Variants in INSR observed in about 807,000 individuals in gnomAD.
INSR encodes IR.
A neutral mutation model predicts 142.6 loss-of-function variants in INSR; 67 were observed. The observed-to-expected ratio is 0.47, with a 90% CI of 0.39 to 0.58. The LOEUF is 0.58. INSR is among the 20% of genes least tolerant of loss of function. The probability of loss-of-function intolerance (pLI) is 0.00; values close to 1 mark genes in which losing one functional copy is unlikely to be tolerated. For missense variants in INSR, 1,248 were observed against 1,833.2 expected, an observed-to-expected ratio of 0.68 and a Z score of 5.83; for synonymous variants, 756 against 743.1, an observed-to-expected ratio of 1.02 and a Z score of -0.28.
At chr19:7,186,048 T>C (rs1022759383) in intron 2 of INSR, among the ~76,000 whole-genome samples, 2 of 151,224 alleles carry the variant, frequency 1.3e-5, no homozygotes, top group African/African-American at 2.4e-5. Context: ...TACAAACAAT[T>C]AGCCGGGTGT....
At chr19:7,181,630 C>T (rs770788112) in intron 3 of INSR, among the ~76,000 whole-genome samples, 11 of 150,008 alleles carry the variant, frequency 7.3e-5, no homozygotes, top group Admixed American at 3.3e-4. Flanking sequence ...CGTGCAATGG[C>T]GTGATCTCAG....
At chr19:7,129,621 G>C (rs559744920) in intron 14 of INSR, among the ~76,000 whole-genome samples, 3 of 152,128 alleles carry the variant, frequency 2.0e-5, no homozygotes, top group Non-Finnish European at 2.9e-5. Flanking sequence ...CAACGTGCCC[G>C]GCCAAATTCT....
rs1224718488 is a variant in INSR, at chr19:7,163,043, T to G, written c.2018A>C (p.Tyr673Ser). ...CTGCCTGCACTCACCTTTGAGGCAA[T>G]AATCCAGCTCGAACAGCTCACTGTC... ...AEDSELFELDYCLKGLKLPSR... is the reference protein window; with the variant it reads ...AEDSELFELDSCLKGLKLPSR... Residue 673 changes from tyrosine (Y) to serine (S), a missense_variant, in exon 9 of 22, where the codon TAT becomes TCT. Transcript: ENST00000302850. 6.2e-7 allele frequency: 1 copy of G among 1,613,464 alleles called. No individual in the cohort carries two copies. Among genetic ancestry groups the G allele is most frequent in the South Asian group, 1.1e-5 (1 of 91,040 alleles).
intron 2 of INSR, among the ~76,000 whole-genome samples, chr19:7,236,693 C>T (rs1248417405): frequency 1.3e-5 from 2 of 152,134 alleles, no homozygotes; most frequent in African/African-American, 4.8e-5. Context: ...TATGTTTTCA[C>T]TCATAAGTGG....
In INSR at chr19:7,126,456, C is replaced by T. The variant is rs556342742; in HGVS notation, c.3013+128G>A. 7.9e-5 allele frequency: 67 copies of T among 848,194 alleles called. No homozygotes were observed. The South Asian group carries it at 8.9e-4, about 11-fold the overall frequency. 52.5% of individuals were successfully genotyped at this position (848,194 alleles called of 1,614,324 possible). On this transcript the variant is annotated intron_variant, in intron 16 of 21. Transcript: ENST00000302850. Reference sequence around the variant, plus strand: ...TCTGCAGCAAGGGCAGTTTGGCAAGCTCAAATGAATAAGAGGGCTTTTCTT... The same window carrying T: ...TCTGCAGCAAGGGCAGTTTGGCAAGTTCAAATGAATAAGAGGGCTTTTCTT...
At chr19:7,193,204 C>T (rs4804090) in intron 2 of INSR, among the ~76,000 whole-genome samples, 55,481 of 150,578 alleles carry the variant, frequency 0.37, 10,439 homozygotes, top group East Asian at 0.49. Context: ...CTGCAACCTC[C>T]GCCTCCCGGG....
chr19:7,252,458 C>T (rs1032132409), intron 2 of INSR, among the ~76,000 whole-genome samples: 3 of 152,084 alleles, frequency 2.0e-5, no homozygotes, highest in African/African-American at 7.2e-5. Context: ...GGATCAAACC[C>T]GTCTGCTAGG....
chr19:7,293,654 C>G, intron 1 of INSR, 138 bp downstream of exon 1: 1 of 665,302 alleles, frequency 1.5e-6, no homozygotes, highest in South Asian at 6.8e-5. Flanking sequence ...CTACGCGATG[C>G]AGGAGCTACC....
intron 14 of INSR, among the ~76,000 whole-genome samples, chr19:7,130,536 T>C (rs904060214): frequency 6.6e-6 from 1 of 152,194 alleles, no homozygotes; most frequent in African/African-American, 2.4e-5. Context: ...TACTGGGTAC[T>C]GTATAATAAG....
intron 11 of INSR, among the ~76,000 whole-genome samples, chr19:7,147,623 T>C (rs775819429): frequency 6.6e-5 from 10 of 152,222 alleles, no homozygotes; most frequent in Non-Finnish European, 1.0e-4. Flanking sequence ...ATTCTCTTTA[T>C]GGTCTTTTTG....
intron 2 of INSR, among the ~76,000 whole-genome samples, chr19:7,257,527 CAAAA>C (rs55712056): frequency 2.3e-5 from 2 of 85,196 alleles, no homozygotes; most frequent in Admixed American, 1.2e-4. Context: ...CAGAGAGCTC[CAAAA>C]AAAAAAAAAA....
At chr19:7,217,478 A>G (rs937027462) in intron 2 of INSR, among the ~76,000 whole-genome samples, 3 of 152,176 alleles carry the variant, frequency 2.0e-5, no homozygotes, top group African/African-American at 7.2e-5. Flanking sequence ...GGCATCATTC[A>G]ACCGACCACA....
In INSR at chr19:7,125,655, A is replaced by G; in HGVS notation, c.3014-128T>C. The G allele has an allele frequency of 7.8e-7, 1 of 1,284,748 alleles. No individual in the cohort carries two copies. The highest frequency in any genetic ancestry group is 1.1e-6 in the Non-Finnish European group (1 of 907,440). The allele number at this position is 1,284,748 out of a possible 1,614,324, so 79.6% of individuals were successfully genotyped here. ...AAATGAGTTCTGTGATCCAGGACCC[A>G]TGCCGGGCACTGGGCATATGGCCGA... On this transcript the variant is annotated intron_variant, in intron 16 of 21. Transcript: ENST00000302850. This position sits in a 1 kb window ranked among gnomAD's most constrained non-coding sequence, Gnocchi z 4.9.
At chr19:7,188,452 G>A (rs1974487682) in intron 2 of INSR, among the ~76,000 whole-genome samples, 1 of 151,284 alleles carries the variant, frequency 6.6e-6, no homozygotes, top group Non-Finnish European at 1.5e-5. Context: ...TACTCAGAAG[G>A]CTGAGGCACA....
chr19:7,160,539 C>A (rs982809518), intron 9 of INSR, among the ~76,000 whole-genome samples: 1 of 152,026 alleles, frequency 6.6e-6, no homozygotes, highest in Non-Finnish European at 1.5e-5. Context: ...GCGGGAAGAT[C>A]GTTTGAGCCC....
In INSR at chr19:7,249,759, A is replaced by G. The variant is rs531107100; in HGVS notation, c.652+17586T>C. 1.5e-3 allele frequency among the ~76,000 whole-genome samples: 224 copies of G among 152,184 alleles called. 1 individual carries two copies. The highest frequency in any genetic ancestry group is 5.1e-3 in the African/African-American group (211 of 41,536). On this transcript the variant is annotated intron_variant, in intron 2 of 21. Transcript: ENST00000302850. ...TGTAATCCCAGCACTTTGGGAGGCC[A>G]AGGAGGGTGGATCACGAGGTCAGGA... is the stretch of plus-strand genomic sequence containing the variant.
At position 7,267,406 on chromosome 19, in the gene INSR, G is replaced by A. The variant is rs1349112430; in HGVS notation, c.591C>T (p.Pro197=). ...CAAACTGCCCGTTGATGACGGTGGC[G>A]GGGCAGTTGGTCTTGCCCTTCGCGG... The part of the protein sequence containing the change: ...PGTAKGKTNC[P]ATVINGQFVE... Residue 197 remains proline (P), a synonymous_variant, in exon 2 of 22, where the codon CCC becomes CCT. Coordinates refer to ENST00000302850, the MANE Select transcript of INSR (RefSeq NM_000208.4). This position sits in a 1 kb window ranked among gnomAD's most constrained non-coding sequence, Gnocchi z 6.3. 8 of 1,613,996 alleles carry A rather than the reference G, an allele frequency of 5.0e-6. No individual in the cohort carries two copies. The highest frequency in any genetic ancestry group is 2.2e-5 in the East Asian group (1 of 44,896).
At chr19:7,288,658 GAAAAA>G (rs57281993) in intron 1 of INSR, among the ~76,000 whole-genome samples, 103 of 97,120 alleles carry the variant, frequency 1.1e-3, no homozygotes, top group African/African-American at 3.1e-3. Flanking sequence ...ATAAAAATTG[GAAAAA>G]AAAAAAAAAA....
chr19:7,225,708 T>C lies in INSR; in HGVS notation c.653-41071A>G, dbSNP rs533489612. On this transcript the variant is annotated intron_variant, in intron 2 of 21. Transcript: ENST00000302850. This position sits in a 1 kb window ranked among gnomAD's most constrained non-coding sequence, Gnocchi z 4.7. ...GCTCTTGGTTTCCATTTCCCCCCCC[T>C]CAAAAAAAGAGCAGAGAATAATTGC... is the stretch of plus-strand genomic sequence containing the variant. Among the ~76,000 whole-genome samples, 9,195 of 64,610 alleles carry C rather than the reference T, an allele frequency of 0.14. 377 individuals carry two copies. The highest frequency in any genetic ancestry group is 0.2 in the Non-Finnish European group (5,695 of 29,016). The allele number at this position is 64,610 out of a possible 152,430, so 42.4% of individuals were successfully genotyped here.
Sources: gnomAD v4.1 joint callset for allele counts (sites outside exome capture counted in the v4.1 genomes callset) on GRCh38, gnomAD v4.1.1 for gene constraint, Gnocchi (gnomAD v3.1) non-coding constraint, MANE v1.5 for transcripts, NCBI Gene and HGNC (gene_info 2026-07-23, HGNC 2026-07-21) for gene names.